TMEM272: variants seen among roughly 807,000 people sequenced by gnomAD.
The protein encoded by TMEM272 is transmembrane protein 272.
In TMEM272, 8 loss-of-function variants were observed where a neutral mutation model predicts 3.7. The ratio of observed to expected loss-of-function variants is 2.17; its 90% CI spans 1.27 to 3.91. The LOEUF is 3.91. TMEM272 is among the 30% of genes most tolerant of loss of function. The pLI is 0.00. For missense variants in TMEM272, 166 were observed against 91.5 expected, an observed-to-expected ratio of 1.81 and a Z score of -3.32; for synonymous variants, 63 against 39.8, an observed-to-expected ratio of 1.58 and a Z score of -2.20.
the TMEM272 span, chr13:51,921,371 AG>A: frequency 6.6e-6 from 1 of 152,238 alleles, no homozygotes; most frequent in Admixed American, 6.5e-5. Context: ...GGACTCCAGG[AG>A]GCTCCCAAAG....
chr13:51,845,085 T>C lies in TMEM272; in HGVS notation c.-93A>G, dbSNP rs1433928004. ...CCTCTGTGGTCCCGAAGTCCAGGGC[T>C]GCCTCTGTGGGGCTCCTCTTGACTT... On this transcript the variant is annotated 5_prime_UTR_variant, in exon 1 of 5. Transcript: ENST00000629372. The C allele has an allele frequency of 6.6e-6, 1 of 152,336 alleles. No individual in the cohort carries two copies. The highest frequency in any genetic ancestry group is 1.5e-5 in the Non-Finnish European group (1 of 68,146). 9.4% of individuals were successfully genotyped at this position (152,336 alleles called of 1,614,324 possible).
the TMEM272 span, among the ~76,000 whole-genome samples, chr13:51,915,790 G>A: frequency 2.0e-5 from 3 of 152,056 alleles, no homozygotes; most frequent in Non-Finnish European, 4.4e-5. Flanking sequence ...TCACTGACAC[G>A]TGGCCGGGTG....
At chr13:51,916,979 T>C in the TMEM272 span, among the ~76,000 whole-genome samples, 2 of 152,160 alleles carry the variant, frequency 1.3e-5, no homozygotes, top group Non-Finnish European at 2.9e-5. Flanking sequence ...CGCTCACCAG[T>C]GTTTTCTCCA....
intron 1 of TMEM272, among the ~76,000 whole-genome samples, chr13:51,840,188 C>T (rs1566354143): frequency 6.6e-6 from 1 of 151,922 alleles, no homozygotes; most frequent in Non-Finnish European, 1.5e-5. Context: ...GACTTTGTGC[C>T]TTCAAAGCCC....
the TMEM272 span, among the ~76,000 whole-genome samples, chr13:51,895,311 T>C: frequency 1.7e-4 from 26 of 152,296 alleles, no homozygotes; most frequent in Admixed American, 3.9e-4. Flanking sequence ...TAGGCTCTGA[T>C]AGCATTGTCC....
At chr13:51,860,839 GTA>G in the TMEM272 span, among the ~76,000 whole-genome samples, 835 of 146,052 alleles carry the variant, frequency 5.7e-3, 7 homozygotes, top group African/African-American at 0.011. Flanking sequence ...GTGTGTGTGT[GTA>G]TATATATGTA....
upstream of TMEM272, among the ~76,000 whole-genome samples, chr13:51,849,004 GA>G (rs1566361349): frequency 1.3e-5 from 2 of 152,276 alleles, no homozygotes; most frequent in South Asian, 2.1e-4. Context: ...TAATTTGGGA[GA>G]AAACCTTCAG....
At chr13:51,893,958 C>T in the TMEM272 span, among the ~76,000 whole-genome samples, 1 of 152,092 alleles carries the variant, frequency 6.6e-6, no homozygotes, top group Non-Finnish European at 1.5e-5. Context: ...GACAGTAGTG[C>T]TATATGCAGA....
At chr13:51,827,111 T>C (rs1017503067) in intron 2 of TMEM272, among the ~76,000 whole-genome samples, 2 of 152,258 alleles carry the variant, frequency 1.3e-5, no homozygotes, top group African/African-American at 4.8e-5. Context: ...TTCCATTCAC[T>C]TGGTTATATA....
intron 1 of TMEM272, among the ~76,000 whole-genome samples, chr13:51,843,814 T>C (rs9596594): frequency 0.013 from 1,958 of 152,292 alleles, 44 homozygotes; most frequent in African/African-American, 0.045. Flanking sequence ...TCCTAGCAGC[T>C]GAGTGATAAT....
chr13:51,839,410 G>A (rs937483374), intron 1 of TMEM272, among the ~76,000 whole-genome samples: 4 of 152,144 alleles, frequency 2.6e-5, no homozygotes, highest in Non-Finnish European at 4.4e-5. Flanking sequence ...TTCCCACCAC[G>A]TCATTGCTTG....
the TMEM272 span, among the ~76,000 whole-genome samples, chr13:51,890,600 T>C: frequency 6.6e-6 from 1 of 152,196 alleles, no homozygotes; most frequent in Non-Finnish European, 1.5e-5. Flanking sequence ...GGTATTCCTT[T>C]ATAGCAACAC....
intron 4 of TMEM272, among the ~76,000 whole-genome samples, chr13:51,820,792 C>G (rs949806676): frequency 3.3e-5 from 5 of 152,168 alleles, no homozygotes; most frequent in Non-Finnish European, 7.3e-5. Flanking sequence ...GAGCCAAGAG[C>G]CTTTGGGTTT....
chr13:51,831,423 A>G (rs766404465), intron 2 of TMEM272, among the ~76,000 whole-genome samples: 21 of 152,106 alleles, frequency 1.4e-4, no homozygotes, highest in Non-Finnish European at 8.8e-5. Context: ...GACCTCATCT[A>G]AATAAAATAA....
the TMEM272 span, among the ~76,000 whole-genome samples, chr13:51,885,230 A>T: frequency 6.6e-6 from 1 of 152,352 alleles, no homozygotes; most frequent in South Asian, 2.1e-4. Flanking sequence ...CTTTTCACTC[A>T]ATTTTCATAT....
At chr13:51,883,654 G>A in the TMEM272 span, among the ~76,000 whole-genome samples, 1 of 152,206 alleles carries the variant, frequency 6.6e-6, no homozygotes, top group Non-Finnish European at 1.5e-5. Flanking sequence ...GACTCTAGTT[G>A]TGGACTCTAT....
At chr13:51,829,716 G>C (rs935535081) in intron 2 of TMEM272, among the ~76,000 whole-genome samples, 1 of 152,160 alleles carries the variant, frequency 6.6e-6, no homozygotes, top group Non-Finnish European at 1.5e-5. Context: ...ATATAATCCA[G>C]GCAGTGAGTG....
At chr13:51,819,622 C>G (rs1956062038) in intron 4 of TMEM272, among the ~76,000 whole-genome samples, 1 of 152,220 alleles carries the variant, frequency 6.6e-6, no homozygotes, top group South Asian at 2.1e-4. Flanking sequence ...TCAATGACCT[C>G]TTAAGTTAGC....
chr13:51,865,500 T>C, the TMEM272 span: 4 of 1,614,072 alleles, frequency 2.5e-6, no homozygotes, highest in Non-Finnish European at 3.4e-6. Flanking sequence ...CAGAAGAAAC[T>C]AATGCACAAG....
Sources: gnomAD v4.1 joint callset for allele counts (sites outside exome capture counted in the v4.1 genomes callset) on GRCh38, gnomAD v4.1.1 for gene constraint, MANE v1.5 for transcripts, NCBI Gene and HGNC (gene_info 2026-07-23, HGNC 2026-07-21) for gene names.